OR51M1: variants seen among roughly 807,000 people sequenced by gnomAD.
OR51M1 encodes olfactory receptor 51M1.
For synonymous variants in OR51M1, 199 were observed against 155.1 expected, an observed-to-expected ratio of 1.28 and a Z score of -2.10; for missense variants, 509 against 404.4, an observed-to-expected ratio of 1.26 and a Z score of -2.22.
At position 5,389,949 on chromosome 11, in the gene OR51M1, TG is replaced by T; in HGVS notation, c.553del (p.Val185SerfsTer12). ...AAGGCTTTTCCCTACTGTGGATCTG[TG>T]GTCCTCTCCCACTCATTTTGCCTGC... is the stretch of plus-strand genomic sequence containing the variant. ...LLKAFPYCGS[V>X]VLSHSFCLHQ... On this transcript the variant is annotated frameshift_variant, in exon 3 of 3. Coordinates refer to ENST00000642046, the MANE Select transcript of OR51M1 (RefSeq NM_001004756.3). LOFTEE classifies it low-confidence loss of function (END_TRUNC). 1 of 1,611,448 alleles carries T rather than the reference TG, an allele frequency of 6.2e-7. No individual in the cohort carries two copies. Among genetic ancestry groups the T allele is most frequent in the Middle Eastern group, 1.6e-4 (1 of 6,062 alleles).
At chr11:5,387,048 T>C (rs1349030138) in intron 2 of OR51M1, among the ~76,000 whole-genome samples, 2 of 152,142 alleles carry the variant, frequency 1.3e-5, no homozygotes, top group Non-Finnish European at 2.9e-5. Flanking sequence ...TAGAGATTAA[T>C]GTCTAAGAGC....
At position 5,389,878 on chromosome 11, in the gene OR51M1, C is replaced by T. The variant is rs368642287; in HGVS notation, c.480C>T (p.Val160=). The T allele has an allele frequency of 5.1e-5, 82 of 1,613,186 alleles. No individual in the cohort carries two copies. The highest frequency in any genetic ancestry group is 6.4e-5 in the Non-Finnish European group (76 of 1,179,914). Reference sequence around the variant, plus strand: ...AAGTGGTCAGAGCAGGCCTAATTGTCATCTTCCGGGGACCTGTGGCCACTA... The same window carrying T: ...AAGTGGTCAGAGCAGGCCTAATTGTTATCTTCCGGGGACCTGTGGCCACTA... The part of the protein sequence containing the change: ...GQQVVRAGLI[V]IFRGPVATIP... Residue 160 remains valine (V), a synonymous_variant, in exon 3 of 3, where the codon GTC becomes GTT. Coordinates refer to ENST00000642046, the MANE Select transcript of OR51M1 (RefSeq NM_001004756.3).
Position 5,390,090 on chromosome 11 carries a change from G to A in OR51M1, c.692G>A (p.Gly231Glu). 1 of 1,613,748 alleles carries A rather than the reference G, an allele frequency of 6.2e-7. No individual in the cohort carries two copies. Among genetic ancestry groups the A allele is most frequent in the Non-Finnish European group, 8.5e-7 (1 of 1,179,894 alleles). ...CTGGTGCTCATCGCACTGTCCTATG[G>A]ACTCATCCTGCACACAGTAGCAGGC... ...LDLVLIALSYGLILHTVAGLA... is the reference protein window; with the variant it reads ...LDLVLIALSYELILHTVAGLA... The change falls in exon 3 of 3, where the codon GGA becomes GAA. Residue 231 changes from glycine to glutamate, a missense_variant. Physicochemically the swap from Gly to Glu is moderately conservative, Grantham distance 98. Transcript: ENST00000642046.
intron 2 of OR51M1, among the ~76,000 whole-genome samples, chr11:5,388,552 T>C (rs2091622193): frequency 6.8e-6 from 1 of 148,000 alleles, no homozygotes; most frequent in Non-Finnish European, 1.5e-5. Context: ...TGAGCAAGCA[T>C]ACTAGATAAA....
chr11:5,389,892 C>T lies in OR51M1; in HGVS notation c.494C>T (p.Pro165Leu), dbSNP rs114517600. 4,066 of 1,612,598 alleles carry T rather than the reference C, an allele frequency of 2.5e-3. 71 individuals are homozygous for T. In the African/African-American group the frequency reaches 0.045, roughly 18 times the overall value. The part of the protein sequence containing the change: ...RAGLIVIFRG[P>L]VATIPIVLLL... ...GGCCTAATTGTCATCTTCCGGGGACCTGTGGCCACTATCCCTATTGTCCTC... is the reference window on the plus strand; with the variant it reads ...GGCCTAATTGTCATCTTCCGGGGACTTGTGGCCACTATCCCTATTGTCCTC... Residue 165 changes from proline (P) to leucine (L), a missense_variant, in exon 3 of 3, where the codon CCT (proline) becomes CTT (leucine). Transcript: ENST00000642046.
rs1021487450 is a variant in OR51M1, at chr11:5,385,471, T to G, written c.-16+13T>G. On this transcript the variant is annotated intron_variant, in intron 2 of 2. Transcript: ENST00000642046. Reference sequence around the variant, plus strand: ...ATCAGGATAAGAGGTGAGTACTTTATTTATTCACCCATTTAGTTTTTCATG... The same window carrying G: ...ATCAGGATAAGAGGTGAGTACTTTAGTTATTCACCCATTTAGTTTTTCATG... The G allele has an allele frequency of 6.6e-6, 1 of 151,148 alleles. No individual in the cohort carries two copies. The highest frequency in any genetic ancestry group is 2.4e-5 in the African/African-American group (1 of 41,130). 9.4% of individuals were successfully genotyped at this position (151,148 alleles called of 1,614,324 possible). A position where few individuals can be genotyped will look rare whatever the true frequency, so the allele number is the denominator to read the frequency against.
intron 1 of OR51M1, among the ~76,000 whole-genome samples, chr11:5,385,064 A>G (rs942658321): frequency 6.6e-6 from 1 of 152,266 alleles, no homozygotes; most frequent in African/African-American, 2.4e-5. Flanking sequence ...CAGGTGAGGT[A>G]GAGAGCCAAT....
At position 5,389,305 on chromosome 11, in the gene OR51M1, G is replaced by C. The variant is rs990693394; in HGVS notation, c.-15-79G>C. On this transcript the variant is annotated intron_variant, in intron 2 of 2. Coordinates refer to ENST00000642046, the MANE Select transcript of OR51M1 (RefSeq NM_001004756.3). ...AGTAGATAATACTAAAGGTGATGAT[G>C]ACCATGGTACTGCTTGTGATGTTGT... 30 of 1,200,772 alleles carry C rather than the reference G, an allele frequency of 2.5e-5. No homozygotes were observed. The Middle Eastern group carries it at 9.9e-4, about 40-fold the overall frequency. The allele number at this position is 1,200,772 out of a possible 1,614,324, so 74.4% of individuals were successfully genotyped here.
intron 1 of OR51M1, among the ~76,000 whole-genome samples, chr11:5,384,410 T>C (rs1849653982): frequency 6.6e-6 from 1 of 152,060 alleles, no homozygotes; most frequent in Non-Finnish European, 1.5e-5. Flanking sequence ...TCTTCTGATA[T>C]TCTCAGAGTC....
chr11:5,391,016 A>C lies in OR51M1; in HGVS notation c.*637A>C, dbSNP rs1849786820. 6.6e-6 allele frequency: 1 copy of C among 152,266 alleles called. No individual in the cohort carries two copies. The highest frequency in any genetic ancestry group is 2.1e-4 in the South Asian group (1 of 4,832). 9.4% of individuals were successfully genotyped at this position (152,266 alleles called of 1,614,324 possible). On this transcript the variant is annotated 3_prime_UTR_variant, in exon 3 of 3. Transcript: ENST00000642046. The stretch of plus-strand genomic sequence containing the variant: ...TTTGATCCTATCCTTGACTCCTCTC[A>C]TCTCTGATTTTACCTTACAACCTCA...
chr11:5,383,957 G>A (rs1849647568), intron 1 of OR51M1, 40 bp downstream of exon 1: 1 of 152,162 alleles, frequency 6.6e-6, no homozygotes, highest in Non-Finnish European at 1.5e-5. Flanking sequence ...TTTCAGGAGT[G>A]GGTAATTAGG....
intron 2 of OR51M1, among the ~76,000 whole-genome samples, chr11:5,385,822 A>AT (rs1849683565): frequency 6.7e-6 from 1 of 149,032 alleles, no homozygotes; most frequent in South Asian, 2.1e-4. Flanking sequence ...TAAAGTATAT[A>AT]AAGAATATAT....
rs1589970284 is a variant in OR51M1 at position 5,390,208 on chromosome 11, G to A, written c.810G>A (p.Leu270=). 6.2e-7 allele frequency: 1 copy of A among 1,613,988 alleles called. No homozygotes were observed. The highest frequency in any genetic ancestry group is 8.5e-7 in the Non-Finnish European group (1 of 1,179,880). ...VLVFFVPMMG[L]SLVHRFGKHA... Reference sequence around the variant, plus strand: ...TATTCTTTGTGCCCATGATGGGGCTGTCCCTGGTGCACCGTTTTGGGAAGC... The same window carrying A: ...TATTCTTTGTGCCCATGATGGGGCTATCCCTGGTGCACCGTTTTGGGAAGC... The change falls in exon 3 of 3, where the codon CTG becomes CTA. Residue 270 remains leucine (L), a synonymous_variant. Coordinates refer to ENST00000642046, the MANE Select transcript of OR51M1 (RefSeq NM_001004756.3).
In OR51M1 at chr11:5,389,516, T is replaced by C; in HGVS notation, c.118T>C (p.Phe40Leu). Reference sequence around the variant, plus strand: ...ATTGGAAGGCATCAAACACTGGATTTTCATCCCCTTTTTCTTTATGTACAT... The same window carrying C: ...ATTGGAAGGCATCAAACACTGGATTCTCATCCCCTTTTTCTTTATGTACAT... Reference protein sequence around the residue: ...PGLEGIKHWIFIPFFFMYMVA... With the variant: ...PGLEGIKHWILIPFFFMYMVA... Residue 40 changes from phenylalanine to leucine, a missense_variant, in exon 3 of 3, where the codon TTC becomes CTC. Coordinates refer to ENST00000642046, the MANE Select transcript of OR51M1 (RefSeq NM_001004756.3). 8 of 1,614,028 alleles carry C rather than the reference T, an allele frequency of 5.0e-6. No individual in the cohort carries two copies. Among genetic ancestry groups the C allele is most frequent in the Non-Finnish European group, 6.8e-6 (8 of 1,179,900 alleles).
At chr11:5,386,906 G>A (rs1849703354) in intron 2 of OR51M1, among the ~76,000 whole-genome samples, 1 of 152,060 alleles carries the variant, frequency 6.6e-6, no homozygotes, top group South Asian at 2.1e-4. Flanking sequence ...GCATAAATAT[G>A]AGAAGAATCA....
Position 5,389,812 on chromosome 11 carries a change from C to G in OR51M1, c.414C>G (p.Ile138Met), listed in dbSNP as rs759574205. ...TGTCCTTTGACCGCCTTGTGGCCAT[C>G]TGCCACCCTCTGAGGTATTCGGTCA... ...LMMSFDRLVA[I>M]CHPLRYSVII... Residue 138 changes from isoleucine (I) to methionine (M), a missense_variant, in exon 3 of 3, where the codon ATC becomes ATG. Transcript: ENST00000642046. 14 of 1,613,944 alleles carry G rather than the reference C, an allele frequency of 8.7e-6. No homozygotes were observed. The South Asian group carries it at 1.3e-4, about 15-fold the overall frequency.
Position 5,389,645 on chromosome 11 carries a change from C to A in OR51M1, c.247C>A (p.Leu83Met), listed in dbSNP as rs374491977. 5 of 1,613,686 alleles carry A rather than the reference C, an allele frequency of 3.1e-6. No homozygotes were observed. In the Admixed American group the frequency reaches 6.7e-5, roughly 22 times the overall value. Residue 83 changes from leucine (L) to methionine (M), a missense_variant, in exon 3 of 3, where the codon CTG (leucine) becomes ATG (methionine). By Grantham distance (15) the Leu-to-Met change is conservative. Coordinates refer to ENST00000642046, the MANE Select transcript of OR51M1 (RefSeq NM_001004756.3). ...YLLSLLALTDLGLCVSTLPTT... is the reference protein window; with the variant it reads ...YLLSLLALTDMGLCVSTLPTT... Reference sequence around the variant, plus strand: ...ACTATCCTTGCTGGCCCTCACTGACCTGGGGCTGTGTGTGTCCACGTTGCC... The same window carrying A: ...ACTATCCTTGCTGGCCCTCACTGACATGGGGCTGTGTGTGTCCACGTTGCC...
intron 2 of OR51M1, among the ~76,000 whole-genome samples, chr11:5,387,962 G>T (rs141989947): frequency 3.4e-4 from 51 of 151,868 alleles, no homozygotes; most frequent in African/African-American, 1.2e-3. Flanking sequence ...TCAGTACCTA[G>T]GTGTAAAAGT....
Position 5,392,953 on chromosome 11 carries a change from T to A in OR51M1, c.*2574T>A, listed in dbSNP as rs1192077726. On this transcript the variant is annotated 3_prime_UTR_variant, in exon 3 of 3. Coordinates refer to ENST00000642046, the MANE Select transcript of OR51M1 (RefSeq NM_001004756.3). ...AAAAATAAATAAATATCTGTGCTGT[T>A]AAGTATGTGGTAAAAGAGGTATTTT... 6.6e-6 allele frequency: 1 copy of A among 152,172 alleles called. No homozygotes were observed. Among genetic ancestry groups the A allele is most frequent in the African/African-American group, 2.4e-5 (1 of 41,440 alleles). The allele number at this position is 152,172 out of a possible 1,614,324, so 9.4% of individuals were successfully genotyped here.
Sources: gnomAD v4.1 joint callset for allele counts (sites outside exome capture counted in the v4.1 genomes callset) on GRCh38, gnomAD v4.1.1 for gene constraint, MANE v1.5 for transcripts, NCBI Gene and HGNC (gene_info 2026-07-23, HGNC 2026-07-21) for gene names.